Variants in INPPL1 observed in about 807,000 individuals in gnomAD.
INPPL1 encodes phosphatidylinositol 3,4,5-trisphosphate 5-phosphatase 2.
In INPPL1, 91 loss-of-function variants were observed where a neutral mutation model predicts 139.3. The observed-to-expected ratio is 0.65, with a 90% CI of 0.55 to 0.78. INPPL1 has a LOEUF of 0.78. Ranked by LOEUF, INPPL1 falls within the 30% of genes least tolerant of loss-of-function variation. The pLI is 0.00. For synonymous variants in INPPL1, 719 were observed against 686.6 expected (o/e 1.05, Z -0.74); for missense variants, 1,411 against 1,665.6 (o/e 0.85, Z 2.66).
chr11:72,227,970 G>GTC, intron 1 of INPPL1: 1 of 501,422 alleles, frequency 2.0e-6, no homozygotes, highest in Admixed American at 3.1e-5. Flanking sequence ...AGGTCTGGTG[G>GTC]GGAGACGGGG....
In INPPL1 at chr11:72,235,863, C is replaced by T; in HGVS notation, c.2756C>T (p.Pro919Leu). Reference protein sequence around the residue: ...SQEPRSGSRKPAFTEASCPLS... With the variant: ...SQEPRSGSRKLAFTEASCPLS... ...CCTGGCAGGTCAGGGAGCCGCAAGC[C>T]AGCCTTCACAGAGGCCTCCTGCCCG... Residue 919 changes from proline to leucine, a missense_variant, in exon 25 of 28, where the codon CCA becomes CTA. Coordinates refer to ENST00000298229, the MANE Select transcript of INPPL1 (RefSeq NM_001567.4). The surrounding 1 kb of genome is among the most constrained non-coding windows in gnomAD (Gnocchi z 4.9). 6.2e-7 allele frequency: 1 copy of T among 1,612,960 alleles called. No homozygotes were observed. Among genetic ancestry groups the T allele is most frequent in the Non-Finnish European group, 8.5e-7 (1 of 1,179,540 alleles).
At chr11:72,229,635 GT>G in intron 6 of INPPL1, 27 bp from the exon 7 acceptor site, 1 of 1,613,140 alleles carries the variant, frequency 6.2e-7, no homozygotes, top group Non-Finnish European at 8.5e-7. Context: ...GGTGACTCAT[GT>G]ACAAGCCTGG....
In INPPL1 at chr11:72,232,281, A is replaced by C; in HGVS notation, c.1657A>C (p.Thr553Pro). The change falls in exon 14 of 28, where the codon ACC (threonine) becomes CCC (proline). Residue 553 changes from threonine to proline, a missense_variant. Coordinates refer to ENST00000298229, the MANE Select transcript of INPPL1 (RefSeq NM_001567.4). Reference sequence around the variant, plus strand: ...GGGCGTCTCCTTCATGTTTAATGGCACCTCATTTGGCTTTGTGAATTGTCA... The same window carrying C: ...GGGCGTCTCCTTCATGTTTAATGGCCCCTCATTTGGCTTTGTGAATTGTCA... ...AVGVSFMFNG[T>P]SFGFVNCHLT... is the part of the protein sequence containing the mutation. 1 of 1,556,868 alleles carries C rather than the reference A, an allele frequency of 6.4e-7. No individual in the cohort carries two copies. Among genetic ancestry groups the C allele is most frequent in the Non-Finnish European group, 8.7e-7 (1 of 1,149,560 alleles).
rs376049368 is a variant in INPPL1 at position 72,228,753 on chromosome 11, C to T, written c.424C>T (p.Pro142Ser). 3.1e-6 allele frequency: 5 copies of T among 1,608,090 alleles called. No homozygotes were observed. The highest frequency in any genetic ancestry group is 1.3e-5 in the African/African-American group (1 of 74,910). The stretch of plus-strand genomic sequence containing the variant: ...TGGGGAGGATGAGAAGCCCCCGCTG[C>T]CCCCGCGCTCTGGCTCCACCAGCAT... The part of the protein sequence containing the change: ...SDGEDEKPPL[P>S]PRSGSTSISA... Residue 142 changes from proline (P) to serine (S), a missense_variant, in exon 4 of 28, where the codon CCC becomes TCC. By Grantham distance (74) the Pro-to-Ser change is moderately conservative. Coordinates refer to ENST00000298229, the MANE Select transcript of INPPL1 (RefSeq NM_001567.4). The surrounding 1 kb of genome is among the most constrained non-coding windows in gnomAD (Gnocchi z 5.0).
rs1949033195 is a variant in INPPL1 at position 72,237,721 on chromosome 11, C to T, written c.3477C>T (p.Pro1159=). Residue 1159 remains proline, a synonymous_variant, in exon 26 of 28, where the codon CCC becomes CCT. Coordinates refer to ENST00000298229, the MANE Select transcript of INPPL1 (RefSeq NM_001567.4). ...PLELQPPRGL[P]SDYGRPLSFP... ...AGCTGCAGCCCCCCCGGGGACTGCC[C>T]TCGGACTATGGCCGGCCCCTCAGCT... 4 of 1,611,802 alleles carry T rather than the reference C, an allele frequency of 2.5e-6. No individual in the cohort carries two copies. Among genetic ancestry groups the T allele is most frequent in the Non-Finnish European group, 3.4e-6 (4 of 1,179,552 alleles).
In INPPL1 at chr11:72,230,907, C is replaced by G. The variant is rs371789372; in HGVS notation, c.1300+9C>G. On this transcript the variant is annotated intron_variant, in intron 11 of 27. Transcript: ENST00000298229. ...AGGCACCTGGAACATGGGTCAGGCC[C>G]GGGCTGGGGCTGGGGCGGGAGAGAG... The G allele has an allele frequency of 2.5e-6, 4 of 1,613,758 alleles. No individual in the cohort carries two copies. In the African/African-American group the frequency reaches 5.3e-5, roughly 22 times the overall value.
chr11:72,231,449 C>G (rs774601501), intron 12 of INPPL1, 49 bp from the exon 13 acceptor site: 2 of 1,384,686 alleles, frequency 1.4e-6, no homozygotes, highest in Non-Finnish European at 2.1e-6. Context: ...GGGGGAAATG[C>G]AGGCAGTGGG....
rs184833512 is a variant in INPPL1, at chr11:72,228,014, C to T, written c.183-176C>T. 325 of 655,562 alleles carry T rather than the reference C, an allele frequency of 5.0e-4. 2 individuals are homozygous for T. The African/African-American group carries it at 5.4e-3, about 11-fold the overall frequency. 40.6% of individuals were successfully genotyped at this position (655,562 alleles called of 1,614,324 possible). A position where few individuals can be genotyped will look rare whatever the true frequency, so the allele number is the denominator to read the frequency against. On this transcript the variant is annotated intron_variant, in intron 1 of 27. Transcript: ENST00000298229. This position sits in a 1 kb window ranked among gnomAD's most constrained non-coding sequence, Gnocchi z 5.0. The stretch of plus-strand genomic sequence containing the variant: ...GTCATTCCTGCCCAATAGGCAACAC[C>T]AGGAGGGTGGAAGTGGACCGGCCAC...
In INPPL1 at chr11:72,230,466, C is replaced by G; in HGVS notation, c.1195C>G (p.Arg399Gly). 6.2e-7 allele frequency: 1 copy of G among 1,613,428 alleles called. No homozygotes were observed. The change falls in exon 10 of 28, where the codon CGG (arginine) becomes GGG (glycine). Residue 399 changes from arginine (R) to glycine (G), a missense_variant and splice_region_variant. Coordinates refer to ENST00000298229, the MANE Select transcript of INPPL1 (RefSeq NM_001567.4). ...CAAGGACTTCATCTTTGTCAGTGCC[C>G]GGGTGAGCAGCAGGCTGGGCCAGGC... ...QRKDFIFVSA[R>G]KREAFCQLLQ...
rs1402517545 is a variant in INPPL1, at chr11:72,229,645, G to A, written c.754-18G>A. Reference sequence around the variant, plus strand: ...GCTTAGGTGACTCATGTACAAGCCTGGTTCTTCCTCCCCCCAGAACCTGCC... The same window carrying A: ...GCTTAGGTGACTCATGTACAAGCCTAGTTCTTCCTCCCCCCAGAACCTGCC... On this transcript the variant is annotated intron_variant, in intron 6 of 27. Coordinates refer to ENST00000298229, the MANE Select transcript of INPPL1 (RefSeq NM_001567.4). 6.2e-7 allele frequency: 1 copy of A among 1,613,466 alleles called. No individual in the cohort carries two copies. The highest frequency in any genetic ancestry group is 2.2e-5 in the East Asian group (1 of 44,892).
chr11:72,224,573 G>T (rs1377678707), upstream of INPPL1, among the ~76,000 whole-genome samples: 1 of 150,954 alleles, frequency 6.6e-6, no homozygotes, highest in Non-Finnish European at 1.5e-5. Flanking sequence ...GATCTCCTCG[G>T]GTGAATGATG....
At chr11:72,238,200 G>T in intron 27 of INPPL1, 25 bp downstream of exon 27, 1 of 1,612,052 alleles carries the variant, frequency 6.2e-7, no homozygotes, top group Non-Finnish European at 8.5e-7. Context: ...GGCCCCGGGG[G>T]CGGAGCTGGG....
intron 11 of INPPL1, 30 bp from the exon 12 acceptor site, chr11:72,230,963 C>T (rs774624761): frequency 6.2e-7 from 1 of 1,611,760 alleles, no homozygotes; most frequent in Admixed American, 1.7e-5. Flanking sequence ...CCTAACCCCT[C>T]CAGACCCACC....
In INPPL1 at chr11:72,232,258, G is replaced by A. The variant is rs1175303291; in HGVS notation, c.1634G>A (p.Gly545Asp). The A allele has an allele frequency of 6.4e-7, 1 of 1,556,628 alleles. No homozygotes were observed. Among genetic ancestry groups the A allele is most frequent in the Non-Finnish European group, 8.7e-7 (1 of 1,149,280 alleles). Residue 545 changes from glycine (G) to aspartate (D), a missense_variant, in exon 14 of 28, where the codon GGC (glycine) becomes GAC (aspartate). Around this residue, in one of 5 missense-constraint regions of INPPL1, gnomAD observed 363 missense variants for 446.2 expected, o/e 0.81. Coordinates refer to ENST00000298229, the MANE Select transcript of INPPL1 (RefSeq NM_001567.4). ...TTAACAGGGAACAAGGGGGCTGTGG[G>A]CGTCTCCTTCATGTTTAATGGCACC... is the stretch of plus-strand genomic sequence containing the variant. ...ANTLGNKGAVGVSFMFNGTSF... is the reference protein window; with the variant it reads ...ANTLGNKGAVDVSFMFNGTSF...
At position 72,237,688 on chromosome 11, in the gene INPPL1, C is replaced by T. The variant is rs1420151966; in HGVS notation, c.3444C>T (p.Gly1148=). The T allele has an allele frequency of 6.2e-7, 1 of 1,611,876 alleles. No homozygotes were observed. The highest frequency in any genetic ancestry group is 8.5e-7 in the Non-Finnish European group (1 of 1,179,504). Residue 1148 remains glycine (G), a synonymous_variant, in exon 26 of 28, where the codon GGC becomes GGT. Transcript: ENST00000298229. ...AGPARSALLP[G]PLELQPPRGL... ...CTGCACGCTCAGCGCTCCTCCCAGG[C>T]CCCCTGGAGCTGCAGCCCCCCCGGG...
chr11:72,230,560 G>A, intron 10 of INPPL1, 92 bp downstream of exon 10: 1 of 1,242,970 alleles, frequency 8.0e-7, no homozygotes. Flanking sequence ...AACACATGAT[G>A]TAGGCATGCC....
Position 72,225,019 on chromosome 11 carries a change from G to T in INPPL1, c.35G>T (p.Gly12Val), listed in dbSNP as rs1948628180. 46 of 1,217,146 alleles carry T rather than the reference G, an allele frequency of 3.8e-5. No individual in the cohort carries two copies. Among genetic ancestry groups the T allele is most frequent in the Middle Eastern group, 6.3e-4 (2 of 3,164 alleles). The allele number at this position is 1,217,146 out of a possible 1,614,324, so 75.4% of individuals were successfully genotyped here. A position where few individuals can be genotyped will look rare whatever the true frequency, so the allele number is the denominator to read the frequency against. Residue 12 changes from glycine (G) to valine (V), a missense_variant, in exon 1 of 28, where the codon GGC becomes GTC. Around this residue, in one of 5 missense-constraint regions of INPPL1, gnomAD observed 504 missense variants for 595.6 expected, o/e 0.85. Coordinates refer to ENST00000298229, the MANE Select transcript of INPPL1 (RefSeq NM_001567.4). Reference protein sequence around the residue: ...ASACGAPGPGGALGSQAPSWY... With the variant: ...ASACGAPGPGVALGSQAPSWY... ...GCCTGCGGGGCGCCGGGCCCGGGGGGCGCCCTGGGCAGCCAGGCCCCCTCC... is the reference window on the plus strand; with the variant it reads ...GCCTGCGGGGCGCCGGGCCCGGGGGTCGCCCTGGGCAGCCAGGCCCCCTCC...
chr11:72,232,926 G>A lies in INPPL1; in HGVS notation c.1903G>A (p.Asp635Asn). The A allele has an allele frequency of 2.5e-6, 4 of 1,614,088 alleles. No homozygotes were observed. The highest frequency in any genetic ancestry group is 3.4e-6 in the Non-Finnish European group (4 of 1,180,008). ...RKEFEPLLRV[D>N]QLNLEREKHK... ...AGAGTTTGAGCCCCTCCTCAGGGTG[G>A]ACCAGCTCAACCTGGAGCGGGAGAA... Residue 635 changes from aspartate to asparagine, a missense_variant, in exon 16 of 28, where the codon GAC (aspartate) becomes AAC (asparagine). Physicochemically the swap from Asp to Asn is conservative, Grantham distance 23. Around this residue, in one of 5 missense-constraint regions of INPPL1, gnomAD observed 363 missense variants for 446.2 expected, o/e 0.81. Coordinates refer to ENST00000298229, the MANE Select transcript of INPPL1 (RefSeq NM_001567.4).
intron 5 of INPPL1, 34 bp downstream of exon 5, chr11:72,229,264 C>A: frequency 6.3e-7 from 1 of 1,578,482 alleles, no homozygotes; most frequent in South Asian, 1.2e-5. Context: ...GTATTACACC[C>A]TTACCTCTGA....
Sources: gnomAD v4.1 joint callset for allele counts (sites outside exome capture counted in the v4.1 genomes callset) on GRCh38, gnomAD v4.1.1 for gene constraint, gnomAD v4.1.1 regional missense constraint, Gnocchi (gnomAD v3.1) non-coding constraint, MANE v1.5 for transcripts, NCBI Gene and HGNC (gene_info 2026-07-23, HGNC 2026-07-21) for gene names.